PLCE1: variants seen among roughly 807,000 people sequenced by gnomAD.
The protein encoded by PLCE1 is 1-phosphatidylinositol 4,5-bisphosphate phosphodiesterase epsilon-1.
In PLCE1, 119 loss-of-function variants were observed where a neutral mutation model predicts 242.8. That is an observed-to-expected ratio of 0.49 (90% CI 0.42 to 0.57). The LOEUF is 0.57. PLCE1 is among the 20% of genes least tolerant of loss of function. The pLI, the probability that PLCE1 is intolerant of heterozygous loss-of-function variation, is 0.00. For synonymous variants in PLCE1, 945 were observed against 1,017.4 expected (o/e 0.93, Z 1.35); for missense variants, 2,441 against 2,788.8 (o/e 0.88, Z 2.81).
chr10:94,221,760 A>AGAAGAAGAG (rs1564801661), intron 4 of PLCE1, among the ~76,000 whole-genome samples: 1 of 152,156 alleles, frequency 6.6e-6, no homozygotes, highest in Non-Finnish European at 1.5e-5. Context: ...AAGAAGAAGA[A>AGAAGAAGAG]GAAGGAAAGT....
intron 4 of PLCE1, among the ~76,000 whole-genome samples, chr10:94,202,111 G>T (rs2049004689): frequency 6.6e-6 from 1 of 151,946 alleles, no homozygotes; most frequent in Non-Finnish European, 1.5e-5. Flanking sequence ...TAAGAGCAAG[G>T]GTACAAATAG....
At chr10:94,175,088 T>C (rs1055263646) in intron 4 of PLCE1, among the ~76,000 whole-genome samples, 6 of 152,212 alleles carry the variant, frequency 3.9e-5, no homozygotes, top group Non-Finnish European at 1.5e-5. Flanking sequence ...CTCAGAGAGA[T>C]TGAGTCACTT....
chr10:94,111,824 A>T (rs1278292970), intron 2 of PLCE1, among the ~76,000 whole-genome samples: 2 of 152,202 alleles, frequency 1.3e-5, no homozygotes, highest in Admixed American at 1.3e-4. Flanking sequence ...GGCATTTTAT[A>T]GTGCTTGAAT....
At chr10:94,160,327 G>A (rs1036962212) in intron 3 of PLCE1, among the ~76,000 whole-genome samples, 8 of 152,112 alleles carry the variant, frequency 5.3e-5, no homozygotes, top group Non-Finnish European at 1.2e-4. Flanking sequence ...GGTATGAGAT[G>A]GTATCTCATT....
intron 4 of PLCE1, among the ~76,000 whole-genome samples, chr10:94,216,953 T>C (rs745490895): frequency 1.2e-4 from 18 of 151,320 alleles, no homozygotes; most frequent in Non-Finnish European, 2.5e-4. Flanking sequence ...TGCTTTTACA[T>C]TACCATGCTC....
intron 2 of PLCE1, among the ~76,000 whole-genome samples, chr10:94,046,790 G>T (rs889100856): frequency 1.2e-4 from 18 of 152,276 alleles, no homozygotes; most frequent in African/African-American, 4.3e-4. Flanking sequence ...CTTAATGCAA[G>T]TTACTTACCC....
chr10:94,301,333 G>T (rs141605816), intron 24 of PLCE1, among the ~76,000 whole-genome samples: 1 of 150,802 alleles, frequency 6.6e-6, no homozygotes, highest in African/African-American at 2.4e-5. Context: ...GACAAAGTGA[G>T]ATACTATCTC....
intron 32 of PLCE1, among the ~76,000 whole-genome samples, chr10:94,327,110 C>T (rs1226744148): frequency 4.0e-5 from 6 of 151,450 alleles, no homozygotes; most frequent in Non-Finnish European, 7.4e-5. Context: ...TGCAGTGAGC[C>T]GAGATTGCGC....
At chr10:94,076,632 A>C (rs1384009549) in intron 2 of PLCE1, among the ~76,000 whole-genome samples, 1 of 152,146 alleles carries the variant, frequency 6.6e-6, no homozygotes, top group Admixed American at 6.5e-5. Context: ...AAAAATAAAA[A>C]ACCTCAGGAG....
chr10:94,106,959 C>A (rs567041680), intron 2 of PLCE1: 11 of 21,868 alleles, frequency 5.0e-4, no homozygotes, highest in African/African-American at 1.0e-3. Flanking sequence ...TCCCCTCCCC[C>A]CCCCAACACC....
Position 94,227,323 on chromosome 10 carries a change from A to G in PLCE1, c.1827A>G (p.Thr609=), listed in dbSNP as rs368349341. Residue 609 remains threonine (T), a synonymous_variant, in exon 5 of 33, where the codon ACA becomes ACG. Coordinates refer to ENST00000371380, the MANE Select transcript of PLCE1 (RefSeq NM_016341.4). ...MRFNEVSSWV[T]WLILTAGSME... is the part of the protein sequence containing the mutation. ...TTTTCCAGGTGAGCTCCTGGGTGACATGGCTGATCCTCACGGCAGGCTCCA... is the reference window on the plus strand; with the variant it reads ...TTTTCCAGGTGAGCTCCTGGGTGACGTGGCTGATCCTCACGGCAGGCTCCA... The G allele has an allele frequency of 6.2e-6, 10 of 1,614,032 alleles. No individual in the cohort carries two copies. The highest frequency in any genetic ancestry group is 8.5e-6 in the Non-Finnish European group (10 of 1,179,996).
rs552212248 is a variant in PLCE1, at chr10:94,171,157, C to T, written c.1493-23C>T. On this transcript the variant is annotated intron_variant, in intron 3 of 32. Coordinates refer to ENST00000371380, the MANE Select transcript of PLCE1 (RefSeq NM_016341.4). ...GGGGACACCAGATTTGATGTAACCA[C>T]GACTTCTGTTGCTTTGTTTTAGAAC... 7.5e-6 allele frequency: 12 copies of T among 1,605,530 alleles called. No individual in the cohort carries two copies. The Admixed American group carries it at 8.3e-5, about 11-fold the overall frequency.
chr10:94,255,931 C>CTG, intron 11 of PLCE1, among the ~76,000 whole-genome samples: 1 of 133,742 alleles, frequency 7.5e-6, no homozygotes, highest in Non-Finnish European at 1.6e-5. Context: ...CTCTCTCTCT[C>CTG]TCTCTCTCTC....
intron 3 of PLCE1, among the ~76,000 whole-genome samples, chr10:94,165,476 T>C (rs1269285552): frequency 1.3e-5 from 2 of 152,140 alleles, no homozygotes; most frequent in Non-Finnish European, 2.9e-5. Context: ...CAGTTGGAAA[T>C]GCAGAAATCA....
rs1252414166 is a variant in PLCE1, at chr10:94,316,588, CTAT to C, written c.6176_6178del (p.Tyr2059del). ...AAGACATCAAACCTGTTACCACAGA[CTAT>C]TTTTTGATGGAAGAAAAATATTTTA... On this transcript the variant is annotated inframe_deletion, in exon 29 of 33. Transcript: ENST00000371380. 6.2e-7 allele frequency: 1 copy of C among 1,609,070 alleles called. No homozygotes were observed. The highest frequency in any genetic ancestry group is 8.5e-7 in the Non-Finnish European group (1 of 1,176,458).
At chr10:94,046,435 C>T (rs1367359631) in intron 2 of PLCE1, among the ~76,000 whole-genome samples, 3 of 152,202 alleles carry the variant, frequency 2.0e-5, no homozygotes, top group African/African-American at 4.8e-5. Context: ...GAACCCCAGG[C>T]TCATAAAACA....
intron 2 of PLCE1, among the ~76,000 whole-genome samples, chr10:94,048,582 G>A (rs948513292): frequency 3.3e-5 from 5 of 151,024 alleles, no homozygotes; most frequent in Non-Finnish European, 7.4e-5. Context: ...GTTTTTGTGT[G>A]TGTAAAATGC....
chr10:94,273,147 A>T (rs570206105), intron 18 of PLCE1, among the ~76,000 whole-genome samples: 1 of 152,342 alleles, frequency 6.6e-6, no homozygotes, highest in South Asian at 2.1e-4. Context: ...CACTATGTGG[A>T]CGCAAATTCT....
intron 2 of PLCE1, among the ~76,000 whole-genome samples, chr10:94,062,282 G>GT (rs1017042660): frequency 1.3e-4 from 20 of 151,366 alleles, no homozygotes; most frequent in Admixed American, 4.0e-4. Context: ...CTTCCTTCTT[G>GT]TTTTTTTTCA....
Sources: allele counts gnomAD v4.1 joint callset (sites outside exome capture counted in the v4.1 genomes callset), GRCh38; gene constraint gnomAD v4.1.1; transcripts MANE v1.5; gene names NCBI Gene and HGNC (gene_info 2026-07-23, HGNC 2026-07-21).